Variants in ABCA10 observed in about 807,000 individuals in gnomAD.
ABCA10 encodes ATP binding cassette subfamily A member 10.
ABCA10 carries 169 observed loss-of-function variants against 187.5 expected under a neutral mutation model. That is an observed-to-expected ratio of 0.90 (90% CI 0.80 to 1.02). The LOEUF is 1.02. Among genes scored for constraint, ABCA10 ranks in the 50% least tolerant of loss-of-function variants. ABCA10 has a pLI of 0.00. For synonymous variants in ABCA10, 574 were observed against 601.8 expected (o/e 0.95, Z 0.68); for missense variants, 1,727 against 1,812.4 (o/e 0.95, Z 0.86).
chr17:69,216,913 C>A (rs1418140877), intron 6 of ABCA10, among the ~76,000 whole-genome samples: 1 of 151,986 alleles, frequency 6.6e-6, no homozygotes, highest in Non-Finnish European at 1.5e-5. Context: ...AATCAGAATA[C>A]CATAGTGCTA....
intron 25 of ABCA10, among the ~76,000 whole-genome samples, chr17:69,165,907 T>A (rs2074251327): frequency 6.6e-6 from 1 of 152,196 alleles, no homozygotes; most frequent in African/African-American, 2.4e-5. Flanking sequence ...CATTTACCAC[T>A]GTAAACTATA....
Position 69,154,292 on chromosome 17 carries a change from A to G in ABCA10, c.3729T>C (p.Ala1243=). The G allele has an allele frequency of 6.2e-7, 1 of 1,612,064 alleles. No homozygotes were observed. The highest frequency in any genetic ancestry group is 1.1e-5 in the South Asian group (1 of 90,390). ...TCATTTTAATGGAAGTACTTTTACC[A>G]GCTCCATTGTGTCCTAGTAATCCCA... ...EVLGLLGHNG[A]GKSTSIKMIT... Residue 1243 remains alanine, a synonymous_variant, in exon 31 of 39, where the codon GCT becomes GCC. Coordinates refer to ENST00000690296, the MANE Select transcript of ABCA10 (RefSeq NM_001377321.1).
At position 69,182,179 on chromosome 17, in the gene ABCA10, G is replaced by C. The variant is rs1291976969; in HGVS notation, c.2743C>G (p.Gln915Glu). 4 of 1,587,424 alleles carry C rather than the reference G, an allele frequency of 2.5e-6. No individual in the cohort carries two copies. Among genetic ancestry groups the C allele is most frequent in the African/African-American group, 1.4e-5 (1 of 73,572 alleles). ...CGAGAAAATGAAGTGCTCTCCATTT[G>C]AATAAGCTCCGTGAAGTTAAAAATT... ...MGIFNFTELI[Q>E]MESTSFSRDD... Residue 915 changes from glutamine (Q) to glutamate (E), a missense_variant, in exon 22 of 39, where the codon CAA becomes GAA. By Grantham distance (29) the Gln-to-Glu change is conservative. Transcript: ENST00000690296.
intron 36 of ABCA10, chr17:69,150,333 T>G (rs1282928597): frequency 3.4e-6 from 1 of 292,510 alleles, no homozygotes; most frequent in Non-Finnish European, 6.4e-6. Context: ...TTTGTTATTG[T>G]GCTATATTTC....
chr17:69,197,290 A>G (rs149657682), intron 10 of ABCA10, among the ~76,000 whole-genome samples, 168 bp from the exon 11 acceptor site: 50 of 152,256 alleles, frequency 3.3e-4, no homozygotes, highest in Middle Eastern at 3.4e-3. Context: ...AAAGAGATTT[A>G]CACAGACCTG....
chr17:69,202,665 G>A (rs8074977), intron 9 of ABCA10, among the ~76,000 whole-genome samples: 1 of 151,804 alleles, frequency 6.6e-6, no homozygotes, highest in Non-Finnish European at 1.5e-5. Flanking sequence ...ATTCTTTAAC[G>A]TTTTATGATC....
chr17:69,235,572 C>CT (rs2074862816), intron 1 of ABCA10, among the ~76,000 whole-genome samples: 1 of 152,140 alleles, frequency 6.6e-6, no homozygotes. Flanking sequence ...CTTGCTGTCA[C>CT]TGCCACTACT....
intron 9 of ABCA10, 120 bp downstream of exon 9, chr17:69,214,584 T>G: frequency 5.6e-6 from 5 of 887,546 alleles, no homozygotes; most frequent in Non-Finnish European, 8.0e-6. Flanking sequence ...TCTATTGTTT[T>G]GAAATTTTTT....
chr17:69,223,938 C>A (rs1047574833), intron 3 of ABCA10, among the ~76,000 whole-genome samples: 1 of 152,034 alleles, frequency 6.6e-6, no homozygotes, highest in African/African-American at 2.4e-5. Flanking sequence ...GAAGAATAGT[C>A]CCTGAGGCTT....
chr17:69,187,821 A>G lies in ABCA10; in HGVS notation c.2190T>C (p.Ser730=). 6.2e-7 allele frequency: 1 copy of G among 1,613,904 alleles called. No homozygotes were observed. Among genetic ancestry groups the G allele is most frequent in the Non-Finnish European group, 8.5e-7 (1 of 1,179,796 alleles). The change falls in exon 19 of 39, where the codon TCT becomes TCC. Residue 730 remains serine, a synonymous_variant. Transcript: ENST00000690296. ...GAGAACAAAGAACCTGTTCCATTTC[A>G]GACTCATCTCCAGTATTTCTTGTCA... is the stretch of plus-strand genomic sequence containing the variant. ...IHVTRNTGDE[S]EMEQVLCSLP...
In ABCA10 at chr17:69,152,101, C is replaced by T. The variant is rs756076937; in HGVS notation, c.4339G>A (p.Val1447Met). 16 of 1,613,632 alleles carry T rather than the reference C, an allele frequency of 9.9e-6. No homozygotes were observed. Among genetic ancestry groups the T allele is most frequent in the Non-Finnish European group, 1.4e-5 (16 of 1,179,950 alleles). The change falls in exon 36 of 39, where the codon GTG becomes ATG. Residue 1447 changes from valine (V) to methionine (M), a missense_variant. Val to Met is a conservative substitution (Grantham distance 21, BLOSUM62 1). Transcript: ENST00000690296. ...AAAATCTCTGTGTGGAGAGCTTCCA[C>T]CTGGGTAGGTTCTTTCATTTTTATT... ...LEIKMKEPTQ[V>M]EALHTEILKL...
At chr17:69,213,448 T>C in intron 9 of ABCA10, among the ~76,000 whole-genome samples, 1 of 152,036 alleles carries the variant, frequency 6.6e-6, no homozygotes, top group South Asian at 2.1e-4. Flanking sequence ...CGGTGTTATG[T>C]TCCCAGGGGA....
chr17:69,184,833 T>TTA (rs1469865709), intron 20 of ABCA10, among the ~76,000 whole-genome samples: 18 of 132,820 alleles, frequency 1.4e-4, no homozygotes, highest in East Asian at 4.1e-4. Flanking sequence ...ATTAAAAAAG[T>TTA]TATATATATA....
intron 22 of ABCA10, among the ~76,000 whole-genome samples, chr17:69,180,711 T>C (rs989508988): frequency 6.6e-6 from 1 of 152,172 alleles, no homozygotes; most frequent in African/African-American, 2.4e-5. Flanking sequence ...AGAGACACTG[T>C]ATTGTTTTAT....
At position 69,153,503 on chromosome 17, in the gene ABCA10, C is replaced by A. The variant is rs2074147208; in HGVS notation, c.4009G>T (p.Val1337Leu). Residue 1337 changes from valine to leucine, a missense_variant, in exon 33 of 39, where the codon GTG becomes TTG. Transcript: ENST00000690296. ...TTTATTCCCTCTGATAGAGTTTTCA[C>A]AGGAGCCTTAAGTTGTTCCTGGAGC... is the stretch of plus-strand genomic sequence containing the variant. ...LKLQEQLKAPVKTLSEGIKRK... is the reference protein window; with the variant it reads ...LKLQEQLKAPLKTLSEGIKRK... 2 of 1,614,024 alleles carry A rather than the reference C, an allele frequency of 1.2e-6. No individual in the cohort carries two copies. The highest frequency in any genetic ancestry group is 3.3e-5 in the Admixed American group (2 of 60,006).
chr17:69,190,576 T>C, intron 17 of ABCA10, 99 bp from the exon 18 acceptor site: 1 of 1,123,372 alleles, frequency 8.9e-7, no homozygotes, highest in Non-Finnish European at 1.2e-6. Context: ...TGTCTACAAA[T>C]GTTTTCATAT....
At chr17:69,168,578 C>T (rs532653061) in intron 25 of ABCA10, among the ~76,000 whole-genome samples, 37 of 152,312 alleles carry the variant, frequency 2.4e-4, no homozygotes, top group African/African-American at 8.4e-4. Context: ...ATACAAAACA[C>T]TTTGTTAAAT....
At chr17:69,185,975 C>G (rs1411504873) in intron 19 of ABCA10, among the ~76,000 whole-genome samples, 3 of 152,128 alleles carry the variant, frequency 2.0e-5, no homozygotes, top group Non-Finnish European at 4.4e-5. Context: ...TGCTTGGGTA[C>G]TTTTGATGAG....
At chr17:69,209,657 A>AT (rs1222113600) in intron 9 of ABCA10, among the ~76,000 whole-genome samples, 4 of 152,304 alleles carry the variant, frequency 2.6e-5, no homozygotes, top group South Asian at 2.1e-4. Context: ...GAAAACATAG[A>AT]TTTTTTATGG....
Sources: allele counts gnomAD v4.1 joint callset (sites outside exome capture counted in the v4.1 genomes callset), GRCh38; gene constraint gnomAD v4.1.1; transcripts MANE v1.5; gene names NCBI Gene and HGNC (gene_info 2026-07-23, HGNC 2026-07-21).